Variants in C8orf34 observed in about 807,000 individuals in gnomAD.
C8orf34 encodes chromosome 8 open reading frame 34.
In C8orf34, 65 loss-of-function variants were observed where a neutral mutation model predicts 68.3. That is an observed-to-expected ratio of 0.95 (90% CI 0.78 to 1.17). The LOEUF (loss-of-function observed/expected upper bound fraction) is 1.17, where lower values mean the gene tolerates loss of function less well. Among genes scored for constraint, C8orf34 ranks in the 50% most tolerant of loss-of-function variants. The pLI is 0.00. For missense variants in C8orf34, 664 were observed against 655.4 expected (o/e 1.01, Z -0.14); for synonymous variants, 244 against 241.2 (o/e 1.01, Z -0.11).
At chr8:68,449,251 G>T (rs967332636) in intron 3 of C8orf34, among the ~76,000 whole-genome samples, 2 of 152,040 alleles carry the variant, frequency 1.3e-5, no homozygotes, top group Non-Finnish European at 2.9e-5. Flanking sequence ...AGTTACTATG[G>T]TTTATAACAA....
At chr8:68,709,838 A>G (rs547610099) in intron 9 of C8orf34, among the ~76,000 whole-genome samples, 21 of 152,214 alleles carry the variant, frequency 1.4e-4, no homozygotes, top group Non-Finnish European at 1.6e-4. Context: ...GTATATGTAA[A>G]TAAGTACAGG....
intron 4 of C8orf34, among the ~76,000 whole-genome samples, chr8:68,472,133 C>T (rs1359504716): frequency 1.3e-5 from 2 of 152,076 alleles, no homozygotes; most frequent in Non-Finnish European, 2.9e-5. Context: ...TGATATTGCT[C>T]TCTTGGAAAG....
intron 4 of C8orf34, among the ~76,000 whole-genome samples, chr8:68,470,715 G>T (rs1047429471): frequency 6.6e-6 from 1 of 152,092 alleles, no homozygotes; most frequent in Non-Finnish European, 1.5e-5. Context: ...CCTGTTTCTT[G>T]GTTCCACAGA....
At chr8:68,801,264 A>G (rs1257848105) in intron 12 of C8orf34, among the ~76,000 whole-genome samples, 1 of 152,206 alleles carries the variant, frequency 6.6e-6, no homozygotes, top group Non-Finnish European at 1.5e-5. Context: ...TAACAAAAAT[A>G]AATTTAACAT....
chr8:68,733,350 C>T (rs1822036314), intron 10 of C8orf34, among the ~76,000 whole-genome samples: 1 of 152,134 alleles, frequency 6.6e-6, no homozygotes, highest in Non-Finnish European at 1.5e-5. Flanking sequence ...CAGGATTGTA[C>T]CTACTCCACG....
At chr8:68,675,266 A>G (rs1820147575) in intron 8 of C8orf34, among the ~76,000 whole-genome samples, 1 of 152,186 alleles carries the variant, frequency 6.6e-6, no homozygotes, top group Admixed American at 6.6e-5. Context: ...AGAAAAACAC[A>G]TAATATTATA....
intron 2 of C8orf34, among the ~76,000 whole-genome samples, chr8:68,440,172 G>A (rs1482856208): frequency 6.6e-6 from 1 of 152,164 alleles, no homozygotes; most frequent in African/African-American, 2.4e-5. Context: ...GTAAACACTA[G>A]TGAAAGAATT....
intron 8 of C8orf34, among the ~76,000 whole-genome samples, chr8:68,696,657 A>T (rs1820844079): frequency 6.6e-6 from 1 of 152,048 alleles, no homozygotes; most frequent in Non-Finnish European, 1.5e-5. Context: ...TTTCACAAGC[A>T]CTCATCTGTC....
intron 5 of C8orf34, among the ~76,000 whole-genome samples, chr8:68,497,185 A>G (rs1255578967): frequency 6.6e-6 from 1 of 152,184 alleles, no homozygotes; most frequent in Non-Finnish European, 1.5e-5. Context: ...AGAATAAAAG[A>G]CCTAAATTCC....
chr8:68,793,146 A>T (rs1230197454), intron 12 of C8orf34, among the ~76,000 whole-genome samples: 3 of 152,204 alleles, frequency 2.0e-5, no homozygotes, highest in Admixed American at 2.0e-4. Context: ...ATTTATTTTG[A>T]TATTCACATT....
chr8:68,472,949 A>T (rs1322192123), intron 4 of C8orf34, among the ~76,000 whole-genome samples: 1 of 152,212 alleles, frequency 6.6e-6, no homozygotes, highest in Admixed American at 6.5e-5. Flanking sequence ...ACTGGACATC[A>T]CTGCTCTAAC....
intron 1 of C8orf34, among the ~76,000 whole-genome samples, chr8:68,418,420 T>C (rs906170151): frequency 6.6e-6 from 1 of 152,142 alleles, no homozygotes; most frequent in African/African-American, 2.4e-5. Flanking sequence ...AGTATGATAT[T>C]GGCTGTGGGT....
intron 7 of C8orf34, among the ~76,000 whole-genome samples, chr8:68,574,232 T>C (rs777067842): frequency 6.6e-5 from 10 of 152,114 alleles, no homozygotes; most frequent in East Asian, 3.9e-4. Context: ...GAAATAATTA[T>C]CTTAATTCAA....
intron 7 of C8orf34, among the ~76,000 whole-genome samples, chr8:68,607,667 A>G (rs1176065300): frequency 1.3e-5 from 2 of 152,150 alleles, no homozygotes; most frequent in East Asian, 1.9e-4. Flanking sequence ...TGAAAAATCC[A>G]GATTTATTGT....
chr8:68,658,617 T>C (rs1031068746), intron 8 of C8orf34, among the ~76,000 whole-genome samples: 1 of 152,200 alleles, frequency 6.6e-6, no homozygotes, highest in Non-Finnish European at 1.5e-5. Context: ...TCTCGACATA[T>C]TCATTCTTTT....
At chr8:68,600,217 C>T (rs1325919229) in intron 7 of C8orf34, among the ~76,000 whole-genome samples, 1 of 151,966 alleles carries the variant, frequency 6.6e-6, no homozygotes, top group Non-Finnish European at 1.5e-5. Flanking sequence ...GATGTTTTAC[C>T]ACTTTGAGTC....
At chr8:68,798,070 C>T (rs771666474) in intron 12 of C8orf34, among the ~76,000 whole-genome samples, 2 of 151,954 alleles carry the variant, frequency 1.3e-5, no homozygotes, top group Non-Finnish European at 2.9e-5. Flanking sequence ...TTCTAGTAGT[C>T]TGTAGTAGGT....
intron 3 of C8orf34, among the ~76,000 whole-genome samples, chr8:68,449,449 A>G (rs961277027): frequency 6.6e-6 from 1 of 151,980 alleles, no homozygotes; most frequent in East Asian, 1.9e-4. Context: ...CCCACCTCCT[A>G]CCAGCCCCTG....
chr8:68,600,567 C>A (rs1817670148), intron 7 of C8orf34, among the ~76,000 whole-genome samples: 1 of 152,078 alleles, frequency 6.6e-6, no homozygotes, highest in African/African-American at 2.4e-5. Flanking sequence ...TATTTGCCCT[C>A]TATTCCTAAA....
Sources: allele counts gnomAD v4.1 joint callset (sites outside exome capture counted in the v4.1 genomes callset), GRCh38; gene constraint gnomAD v4.1.1; transcripts MANE v1.5; gene names NCBI Gene and HGNC (gene_info 2026-07-23, HGNC 2026-07-21).